NUDT3: variants seen among roughly 807,000 people sequenced by gnomAD.
NUDT3 encodes nudix hydrolase 3, also known as diphosphoinositol polyphosphate phosphohydrolase 1.
NUDT3 carries 9 observed loss-of-function variants against 23.6 expected under a neutral mutation model. The observed-to-expected ratio is 0.38, with a 90% CI of 0.23 to 0.66. NUDT3 has a LOEUF of 0.66. NUDT3 is among the 30% of genes least tolerant of loss of function. The probability of loss-of-function intolerance (pLI) is 0.52; values close to 1 mark genes in which losing one functional copy is unlikely to be tolerated. For synonymous variants in NUDT3, 86 were observed against 82.6 expected, an observed-to-expected ratio of 1.04 and a Z score of -0.22; for missense variants, 172 against 218.5, an observed-to-expected ratio of 0.79 and a Z score of 1.34.
intron 3 of NUDT3, among the ~76,000 whole-genome samples, chr6:34,295,097 G>T (rs1376335893): frequency 6.6e-6 from 1 of 152,040 alleles, no homozygotes; most frequent in African/African-American, 2.4e-5. Context: ...AGGAGACAAA[G>T]AAAAGTAGGA....
At chr6:34,368,635 T>C (rs910605037) in intron 1 of NUDT3, among the ~76,000 whole-genome samples, 4 of 151,942 alleles carry the variant, frequency 2.6e-5, no homozygotes, top group African/African-American at 7.3e-5. Flanking sequence ...AGCTCTGCTT[T>C]TGTTTTGTGT....
At chr6:34,329,471 G>A (rs1481982033) in intron 2 of NUDT3, among the ~76,000 whole-genome samples, 2 of 151,904 alleles carry the variant, frequency 1.3e-5, no homozygotes, top group East Asian at 1.9e-4. Context: ...AGTAGAGATG[G>A]GGTTTCACCA....
rs750876768 is a variant in NUDT3 at position 34,310,240 on chromosome 6, A to G, written c.211-14555T>C. 3.6e-4 allele frequency among the ~76,000 whole-genome samples: 55 copies of G among 152,136 alleles called. 1 individual carries two copies. The highest frequency in any genetic ancestry group is 3.4e-3 in the Middle Eastern group (1 of 294). On this transcript the variant is annotated intron_variant, in intron 2 of 4. Transcript: ENST00000607016. ...AGAGCAAGACCCTGTCTCAAAAATA[A>G]TAACAAAAGCAGGGTATGGTGGCTC...
chr6:34,301,459 TAGGC>T (rs1763596001), intron 2 of NUDT3, among the ~76,000 whole-genome samples: 2 of 152,222 alleles, frequency 1.3e-5, no homozygotes, highest in Non-Finnish European at 2.9e-5. Flanking sequence ...GGTCCAAGCC[TAGGC>T]CTCAAGAGGC....
intron 2 of NUDT3, among the ~76,000 whole-genome samples, chr6:34,333,253 C>T (rs1441527398): frequency 1.3e-5 from 2 of 152,204 alleles, no homozygotes; most frequent in Non-Finnish European, 2.9e-5. Context: ...TCAGATTTAT[C>T]TGTTTCTGAA....
In NUDT3 at chr6:34,287,896, ATT is replaced by A. The variant is rs1763357373; in HGVS notation, c.*855_*856del. 6.6e-6 allele frequency: 1 copy of A among 152,196 alleles called. No individual in the cohort carries two copies. Among genetic ancestry groups the A allele is most frequent in the Non-Finnish European group, 1.5e-5 (1 of 68,038 alleles). The allele number at this position is 152,196 out of a possible 1,614,324, so 9.4% of individuals were successfully genotyped here. ...TGTGGGGCAGAATTCAATTTCTATC[ATT>A]GTTTTTACAGATCTGGGCTGAGGCC... On this transcript the variant is annotated 3_prime_UTR_variant, in exon 5 of 5. Transcript: ENST00000607016.
rs1763345436 is a variant in NUDT3, at chr6:34,287,171, T to C, written c.*1582A>G. On this transcript the variant is annotated 3_prime_UTR_variant, in exon 5 of 5. Transcript: ENST00000607016. ...GGCTATGAGGTACATACATTTCTTT[T>C]AGTAGGAGGGAAAAGTAAAAGCTTT... 6.6e-6 allele frequency: 1 copy of C among 152,226 alleles called. No individual in the cohort carries two copies. The highest frequency in any genetic ancestry group is 1.5e-5 in the Non-Finnish European group (1 of 68,036). The allele number at this position is 152,226 out of a possible 1,614,324, so 9.4% of individuals were successfully genotyped here. A position where few individuals can be genotyped will look rare whatever the true frequency, so the allele number is the denominator to read the frequency against.
chr6:34,323,902 T>A (rs1001082940), intron 2 of NUDT3, among the ~76,000 whole-genome samples: 1 of 152,208 alleles, frequency 6.6e-6, no homozygotes, highest in Non-Finnish European at 1.5e-5. Context: ...ATATATAATC[T>A]TCTTTGCGCT....
At chr6:34,387,982 A>G (rs1765136071) in intron 1 of NUDT3, among the ~76,000 whole-genome samples, 1 of 152,144 alleles carries the variant, frequency 6.6e-6, no homozygotes, top group South Asian at 2.1e-4. Context: ...TCCAGTCATA[A>G]TAAGTGTCCT....
At chr6:34,311,787 T>C (rs1763776723) in intron 2 of NUDT3, among the ~76,000 whole-genome samples, 2 of 152,108 alleles carry the variant, frequency 1.3e-5, no homozygotes, top group Admixed American at 1.3e-4. Flanking sequence ...ACACAAATCT[T>C]TGACAAAGGA....
intron 4 of NUDT3, among the ~76,000 whole-genome samples, chr6:34,291,357 A>G (rs2052755000): frequency 6.6e-6 from 1 of 152,110 alleles, no homozygotes; most frequent in African/African-American, 2.4e-5. Context: ...AAGAACTACA[A>G]AAATAGAGCT....
intron 1 of NUDT3, among the ~76,000 whole-genome samples, chr6:34,343,646 A>C (rs1764322010): frequency 6.6e-6 from 1 of 152,196 alleles, no homozygotes. Flanking sequence ...ATTTAGAAGA[A>C]AACACAGGGG....
At chr6:34,319,513 C>T (rs987178903) in intron 2 of NUDT3, among the ~76,000 whole-genome samples, 49 of 152,178 alleles carry the variant, frequency 3.2e-4, no homozygotes, top group African/African-American at 1.2e-3. Flanking sequence ...ACAGAGCTTC[C>T]ATGGCTTCCC....
At position 34,288,995 on chromosome 6, in the gene NUDT3, T is replaced by A. The variant is rs1763376564; in HGVS notation, c.341-64A>T. ...ATAAGGTTTCTGAGCCTAGAACTTT[T>A]GAGAAAATATAGAAAACATTAAAGC... On this transcript the variant is annotated intron_variant, in intron 4 of 4. Coordinates refer to ENST00000607016, the MANE Select transcript of NUDT3 (RefSeq NM_006703.4). 4 of 1,478,248 alleles carry A rather than the reference T, an allele frequency of 2.7e-6. No homozygotes were observed. The East Asian group carries it at 9.9e-5, about 37-fold the overall frequency. 91.6% of individuals were successfully genotyped at this position (1,478,248 alleles called of 1,614,324 possible). A position where few individuals can be genotyped will look rare whatever the true frequency, so the allele number is the denominator to read the frequency against.
At chr6:34,298,681 A>G (rs1763552526) in intron 2 of NUDT3, among the ~76,000 whole-genome samples, 1 of 152,150 alleles carries the variant, frequency 6.6e-6, no homozygotes, top group African/African-American at 2.4e-5. Context: ...CCTGGGATCA[A>G]GCAATTCTCC....
In NUDT3 at chr6:34,339,497, T is replaced by G. The variant is rs530514563; in HGVS notation, c.210+2365A>C. ...CTATTAAAATCAGATTCTGATACAG[T>G]AGATCTGGGTTGGGGTCTGAGATTT... is the stretch of plus-strand genomic sequence containing the variant. On this transcript the variant is annotated intron_variant, in intron 2 of 4. Coordinates refer to ENST00000607016, the MANE Select transcript of NUDT3 (RefSeq NM_006703.4). Among the ~76,000 whole-genome samples, 5 of 152,340 alleles carry G rather than the reference T, an allele frequency of 3.3e-5. No homozygotes were observed. The South Asian group carries it at 1.0e-3, about 32-fold the overall frequency.
At chr6:34,367,716 A>G (rs1764759850) in intron 1 of NUDT3, among the ~76,000 whole-genome samples, 1 of 152,138 alleles carries the variant, frequency 6.6e-6, no homozygotes. Flanking sequence ...TCTTTTTCTC[A>G]TTTTACCATA....
At chr6:34,392,192 C>T in intron 1 of NUDT3, 72 bp downstream of exon 1, 1 of 1,245,682 alleles carries the variant, frequency 8.0e-7, no homozygotes, top group Non-Finnish European at 1.1e-6. Flanking sequence ...CTCCGGCGGC[C>T]GCGCCCCTCG....
rs544217157 is a variant in NUDT3 at position 34,345,382 on chromosome 6, G to A, written c.100-3410C>T. ...CATTTTTTAAAAGCTGAAGGGAGTC[G>A]GCTGGGCGTGGTAGCTCACGGCTGT... On this transcript the variant is annotated intron_variant, in intron 1 of 4. Coordinates refer to ENST00000607016, the MANE Select transcript of NUDT3 (RefSeq NM_006703.4). Among the ~76,000 whole-genome samples the A allele has an allele frequency of 2.8e-4, 43 of 151,864 alleles. No homozygotes were observed. In the South Asian group the frequency reaches 7.5e-3, roughly 26 times the overall value.
Sources: gnomAD v4.1 joint callset for allele counts (sites outside exome capture counted in the v4.1 genomes callset) on GRCh38, gnomAD v4.1.1 for gene constraint, MANE v1.5 for transcripts, NCBI Gene and HGNC (gene_info 2026-07-23, HGNC 2026-07-21) for gene names.